FSAF1: variants seen among roughly 807,000 people sequenced by gnomAD.
The protein encoded by FSAF1 is uncharacterized protein C1orf131.
chr1:231,232,786 G>A, the FSAF1 span, among the ~76,000 whole-genome samples: 14 of 152,196 alleles, frequency 9.2e-5, no homozygotes, highest in East Asian at 1.9e-4. Context: ...CAGCAAACCC[G>A]TCTATGGGGT....
chr1:231,229,018 C>G, the FSAF1 span: 1 of 544,490 alleles, frequency 1.8e-6, no homozygotes, highest in South Asian at 3.6e-5. Flanking sequence ...TTTTATAATA[C>G]CTAACATCTA....
At chr1:231,225,692 G>T in the FSAF1 span, 1 of 659,224 alleles carries the variant, frequency 1.5e-6, no homozygotes, top group Non-Finnish European at 2.6e-6. Flanking sequence ...ACCCTTTCAA[G>T]AATGTGAAAG....
At chr1:231,226,905 C>T in the FSAF1 span, 2 of 1,603,886 alleles carry the variant, frequency 1.2e-6, no homozygotes, top group Non-Finnish European at 1.7e-6. Context: ...CTGACTTGCT[C>T]TTAGCTTTCC....
At chr1:231,224,700 AATTT>A in the FSAF1 span, 1 of 360,212 alleles carries the variant, frequency 2.8e-6, no homozygotes, top group South Asian at 8.0e-5. Context: ...TCCTCAGACT[AATTT>A]CCCAGCTCAC....
chr1:231,235,250 T>G, the FSAF1 span, among the ~76,000 whole-genome samples: 1 of 152,060 alleles, frequency 6.6e-6, no homozygotes, highest in South Asian at 2.1e-4. Context: ...TCTGTAATCC[T>G]AGCACTTTGG....
the FSAF1 span, chr1:231,224,441 T>C: frequency 6.3e-7 from 1 of 1,586,118 alleles, no homozygotes; most frequent in Non-Finnish European, 8.6e-7. Context: ...AGAAAGGTAC[T>C]ATAAATAGTC....
chr1:231,239,494 T>C, the FSAF1 span, among the ~76,000 whole-genome samples: 1 of 152,224 alleles, frequency 6.6e-6, no homozygotes, highest in African/African-American at 2.4e-5. Flanking sequence ...TAATCCCAAT[T>C]GGCTTTATAC....
At chr1:231,226,016 A>C in the FSAF1 span, 1 of 152,846 alleles carries the variant, frequency 6.5e-6, no homozygotes, top group African/African-American at 2.4e-5. Flanking sequence ...AAAAAAAAAA[A>C]AAAAAAAAAC....
the FSAF1 span, chr1:231,226,690 C>T: frequency 6.7e-7 from 1 of 1,491,140 alleles, no homozygotes. Flanking sequence ...TGGCAAAGAG[C>T]ATCCATCTTC....
the FSAF1 span, among the ~76,000 whole-genome samples, chr1:231,230,755 GATGGCTTCTGACTCCCT>G: frequency 3.3e-5 from 5 of 152,222 alleles, no homozygotes; most frequent in African/African-American, 1.2e-4. Flanking sequence ...TTTCATAGAT[GATGGCTTCTGACTCCCT>G]ATGAAATGAC....
At chr1:231,239,143 CTT>C in the FSAF1 span, 2 of 1,600,092 alleles carry the variant, frequency 1.2e-6, no homozygotes, top group South Asian at 2.2e-5. Context: ...CTTGTTTTCC[CTT>C]TTCTTTATGA....
the FSAF1 span, among the ~76,000 whole-genome samples, chr1:231,235,798 GT>G: frequency 6.6e-6 from 1 of 152,084 alleles, no homozygotes; most frequent in Non-Finnish European, 1.5e-5. Context: ...GTGACACCCT[GT>G]CTCTAAACAT....
the FSAF1 span, chr1:231,229,235 T>C: frequency 5.4e-6 from 8 of 1,468,396 alleles, no homozygotes; most frequent in African/African-American, 7.0e-5. Context: ...CTTATTTAGA[T>C]CATCTGTTAC....
the FSAF1 span, among the ~76,000 whole-genome samples, chr1:231,235,364 G>A: frequency 6.6e-6 from 1 of 152,130 alleles, no homozygotes; most frequent in African/African-American, 2.4e-5. Flanking sequence ...GGGCATGGTT[G>A]TGTGCACCTG....
the FSAF1 span, chr1:231,238,690 A>G: frequency 4.9e-6 from 3 of 607,338 alleles, no homozygotes; most frequent in Middle Eastern, 4.4e-4. Context: ...GTAGGCCTAC[A>G]TGACTGATAA....
chr1:231,224,578 T>C, the FSAF1 span: 3 of 624,624 alleles, frequency 4.8e-6, no homozygotes, highest in African/African-American at 3.7e-5. Context: ...AACATGCTAC[T>C]GCCTTCCTGC....
At chr1:231,227,646 T>C in the FSAF1 span, among the ~76,000 whole-genome samples, 1 of 134,754 alleles carries the variant, frequency 7.4e-6, no homozygotes, top group Non-Finnish European at 1.5e-5. Context: ...TGGAGCACAG[T>C]GGCATGATTT....
At chr1:231,232,785 C>T in the FSAF1 span, among the ~76,000 whole-genome samples, 6 of 152,138 alleles carry the variant, frequency 3.9e-5, no homozygotes, top group Non-Finnish European at 7.4e-5. Flanking sequence ...TCAGCAAACC[C>T]GTCTATGGGG....
the FSAF1 span, chr1:231,237,425 A>T: frequency 6.6e-6 from 1 of 152,214 alleles, no homozygotes. Flanking sequence ...TTGGAGAGGG[A>T]TCTTTATAAT....
Sources: gnomAD v4.1 joint callset for allele counts (sites outside exome capture counted in the v4.1 genomes callset) on GRCh38, gnomAD v4.1.1 for gene constraint, MANE v1.5 for transcripts, NCBI Gene and HGNC (gene_info 2026-07-23, HGNC 2026-07-21) for gene names.